The following ZNF423 variants were observed in gnomAD, a reference collection of about 807,000 sequenced individuals.
ZNF423 encodes the protein Ebf-associated zinc finger protein.
A neutral mutation model predicts 95.8 loss-of-function variants in ZNF423; 12 were observed. The ratio of observed to expected loss-of-function variants is 0.13; its 90% CI spans 0.08 to 0.20. ZNF423 has a LOEUF of 0.20. Ranked by LOEUF, ZNF423 falls within the 10% of genes least tolerant of loss-of-function variation. The probability of loss-of-function intolerance (pLI) is 1.00; values close to 1 mark genes in which losing one functional copy is unlikely to be tolerated. For synonymous variants in ZNF423, 749 were observed against 711.9 expected, an observed-to-expected ratio of 1.05 and a Z score of -0.83; for missense variants, 1,316 against 1,737.1, an observed-to-expected ratio of 0.76 and a Z score of 4.31.
At chr16:49,769,966 C>G (rs1188109919) in intron 2 of ZNF423, among the ~76,000 whole-genome samples, 2 of 152,114 alleles carry the variant, frequency 1.3e-5, no homozygotes, top group Non-Finnish European at 2.9e-5. Flanking sequence ...AGCCGGCCCT[C>G]TCCTCCTCAC....
intron 3 of ZNF423, among the ~76,000 whole-genome samples, chr16:49,715,332 G>C (rs28545052): frequency 3.9e-5 from 6 of 152,346 alleles, no homozygotes; most frequent in African/African-American, 1.2e-4. Flanking sequence ...GGTGACCTTG[G>C]AGACACAGAA....
chr16:49,575,985 G>GCT (rs1459294781), intron 5 of ZNF423, among the ~76,000 whole-genome samples: 3 of 152,182 alleles, frequency 2.0e-5, no homozygotes, highest in Admixed American at 1.3e-4. Flanking sequence ...TTCTCCCCTG[G>GCT]CTCTCTCCTG....
chr16:49,844,445 C>A (rs1597058586), intron 1 of ZNF423, among the ~76,000 whole-genome samples: 1 of 152,290 alleles, frequency 6.6e-6, no homozygotes, highest in East Asian at 1.9e-4. Flanking sequence ...TGAAGGAGAA[C>A]CGGCATCAGC....
rs141399969 is a variant in ZNF423, at chr16:49,675,427, T to C, written c.302-36553A>G. On this transcript the variant is annotated intron_variant, in intron 3 of 7. Transcript: ENST00000563137. ...GCATTCAGCCACTCCCAGAATCCCC[T>C]CCCTGCTGGGGTGATAACCAGCACT... Among the ~76,000 whole-genome samples the C allele has an allele frequency of 8.2e-3, 1,246 of 152,148 alleles. 10 individuals carry two copies. Among genetic ancestry groups the C allele is most frequent in the East Asian group, 0.041 (213 of 5,160 alleles).
At chr16:49,685,995 C>T (rs111673583) in intron 3 of ZNF423, among the ~76,000 whole-genome samples, 11 of 152,324 alleles carry the variant, frequency 7.2e-5, no homozygotes, top group Middle Eastern at 3.4e-3. Flanking sequence ...TTCATTGTTT[C>T]GCCCTCGTTT....
intron 2 of ZNF423, among the ~76,000 whole-genome samples, chr16:49,751,101 C>A (rs1187283283): frequency 6.6e-6 from 1 of 152,256 alleles, no homozygotes; most frequent in African/African-American, 2.4e-5. Context: ...GTGCACACAA[C>A]TCCATTCAAG....
chr16:49,508,644 G>T (rs1484327501), intron 7 of ZNF423, among the ~76,000 whole-genome samples: 1 of 151,704 alleles, frequency 6.6e-6, no homozygotes, highest in Non-Finnish European at 1.5e-5. Context: ...TATAAAAACA[G>T]TGACTTCTCC....
intron 3 of ZNF423, among the ~76,000 whole-genome samples, chr16:49,704,209 T>G (rs923243355): frequency 2.4e-4 from 36 of 151,880 alleles, no homozygotes; most frequent in Admixed American, 2.4e-3. Context: ...CATAAAGAAC[T>G]GAAAAGGAGA....
intron 2 of ZNF423, among the ~76,000 whole-genome samples, chr16:49,779,372 G>A (rs114109153): frequency 0.013 from 2,037 of 152,046 alleles, 45 homozygotes; most frequent in African/African-American, 0.047. Flanking sequence ...TGTCATTTAG[G>A]CTGAGCTTCA....
At position 49,489,125 on chromosome 16, in the gene ZNF423, A is replaced by G. The variant is rs2151637259; in HGVS notation, c.*2150T>C. ...GTGACTAATTTAGCCCTACGCCACCAACCGTCAAATCGAATCTTCTATTGG... is the reference window on the plus strand; with the variant it reads ...GTGACTAATTTAGCCCTACGCCACCGACCGTCAAATCGAATCTTCTATTGG... On this transcript the variant is annotated 3_prime_UTR_variant, in exon 8 of 8. Transcript: ENST00000563137. 6.6e-6 allele frequency: 1 copy of G among 152,380 alleles called. No individual in the cohort carries two copies. Among genetic ancestry groups the G allele is most frequent in the South Asian group, 2.1e-4 (1 of 4,830 alleles). The allele number at this position is 152,380 out of a possible 1,614,324, so 9.4% of individuals were successfully genotyped here.
rs200348697 is a variant in ZNF423, at chr16:49,824,084, AT to A, written c.40+31650del. Reference sequence around the variant, plus strand: ...ACAGAGTGATAACATCTCAAAAAAAATTTTTTTTTAATCCAAAAGGGTAGTT... The same window carrying A: ...ACAGAGTGATAACATCTCAAAAAAAATTTTTTTTAATCCAAAAGGGTAGTT... On this transcript the variant is annotated intron_variant, in intron 1 of 7. Transcript: ENST00000563137. Among the ~76,000 whole-genome samples, 547 of 151,874 alleles carry A rather than the reference AT, an allele frequency of 3.6e-3. 5 individuals carry two copies. The highest frequency in any genetic ancestry group is 0.011 in the African/African-American group (454 of 41,410).
At chr16:49,687,388 G>A (rs2031606269) in intron 3 of ZNF423, among the ~76,000 whole-genome samples, 1 of 152,156 alleles carries the variant, frequency 6.6e-6, no homozygotes, top group African/African-American at 2.4e-5. Flanking sequence ...CCCTGGGCTA[G>A]CACTGCAGGG....
intron 3 of ZNF423, chr16:49,664,395 G>C: frequency 1.6e-6 from 1 of 637,676 alleles, no homozygotes; most frequent in Non-Finnish European, 2.0e-6. Flanking sequence ...GGGAGGGAGA[G>C]GACAGAGGAG....
At chr16:49,816,008 T>C (rs1469296021) in intron 1 of ZNF423, among the ~76,000 whole-genome samples, 1 of 140,484 alleles carries the variant, frequency 7.1e-6, no homozygotes, top group East Asian at 2.3e-4. Context: ...AAACTTCACC[T>C]CCCAGGCTCA....
intron 2 of ZNF423, among the ~76,000 whole-genome samples, chr16:49,755,472 A>C (rs1376683128): frequency 7.9e-5 from 12 of 152,188 alleles, no homozygotes; most frequent in African/African-American, 2.9e-4. Flanking sequence ...CAGGCTCTTC[A>C]TCATAATTCT....
chr16:49,677,228 A>AAAGAGAAGAGAAGAGAAGAGAAGAG (rs1296513369), intron 3 of ZNF423, among the ~76,000 whole-genome samples: 3,113 of 57,196 alleles, frequency 0.054, 1,504 homozygotes, highest in Middle Eastern at 0.097. Context: ...AGAAACAAGA[A>AAAGAGAAGAGAAGAGAAGAGAAGAG]AAGAGAAGAG....
chr16:49,709,530 C>T (rs887839493), intron 3 of ZNF423, among the ~76,000 whole-genome samples: 3 of 152,128 alleles, frequency 2.0e-5, no homozygotes, highest in African/African-American at 7.2e-5. Flanking sequence ...TCTAGTTCAG[C>T]AGCTCTCAGC....
intron 3 of ZNF423, among the ~76,000 whole-genome samples, chr16:49,699,670 A>G (rs1272029397): frequency 1.3e-5 from 2 of 152,156 alleles, no homozygotes; most frequent in African/African-American, 2.4e-5. Context: ...AGGAATTTCT[A>G]TTGTCCGGCT....
rs147816446 is a variant in ZNF423 at position 49,635,876 on chromosome 16, G to A, written c.3300C>T (p.Cys1100=). Residue 1100 remains cysteine, a synonymous_variant, in exon 4 of 8, where the codon TGC becomes TGT. Coordinates refer to ENST00000563137, the MANE Select transcript of ZNF423 (RefSeq NM_001379286.1). The surrounding 1 kb of genome is among the most constrained non-coding windows in gnomAD (Gnocchi z 4.8). ...TGGCGCTGCGGGCCATGCAGCCGGC[G>A]CAGAGGCCGTAGGGCAGCCCATTGA... ...LDVNGLPYGL[C]AGCMARSANG... is the part of the protein sequence containing the mutation. 9.9e-4 allele frequency: 1,566 copies of A among 1,584,592 alleles called. 3 individuals are homozygous for A. Among genetic ancestry groups the A allele is most frequent in the Non-Finnish European group, 1.3e-3 (1,500 of 1,167,896 alleles).
Sources: allele counts gnomAD v4.1 joint callset (sites outside exome capture counted in the v4.1 genomes callset), GRCh38; gene constraint gnomAD v4.1.1; non-coding constraint Gnocchi (gnomAD v3.1); transcripts MANE v1.5; gene names NCBI Gene and HGNC (gene_info 2026-07-23, HGNC 2026-07-21).